Variants in CEP85L observed in about 807,000 individuals in gnomAD.
The protein encoded by CEP85L is centrosomal protein of 85 kDa-like.
A neutral mutation model predicts 100.3 loss-of-function variants in CEP85L; 60 were observed. The observed-to-expected ratio is 0.60, with a 90% CI of 0.49 to 0.74. CEP85L has a LOEUF of 0.74. Ranked by LOEUF, CEP85L falls within the 30% of genes least tolerant of loss-of-function variation. The probability of loss-of-function intolerance (pLI) is 0.00; values close to 1 mark genes in which losing one functional copy is unlikely to be tolerated. For missense variants in CEP85L, 973 were observed against 936.2 expected, an observed-to-expected ratio of 1.04 and a Z score of -0.51; for synonymous variants, 319 against 322.7, an observed-to-expected ratio of 0.99 and a Z score of 0.12.
intron 2 of CEP85L, among the ~76,000 whole-genome samples, chr6:118,588,513 A>C (rs1300300654): frequency 6.6e-6 from 1 of 152,152 alleles, no homozygotes; most frequent in Non-Finnish European, 1.5e-5. Flanking sequence ...CCTCTAGTAG[A>C]TTAAGGAAAA....
chr6:118,589,606 G>A (rs1457969183), intron 2 of CEP85L: 1 of 270,162 alleles, frequency 3.7e-6, no homozygotes, highest in East Asian at 1.0e-4. Flanking sequence ...GATTTATGAA[G>A]AGATCAGAAA....
At chr6:118,480,215 T>C (rs1298261015) in intron 9 of CEP85L, among the ~76,000 whole-genome samples, 181 bp downstream of exon 9, 1 of 152,134 alleles carries the variant, frequency 6.6e-6, no homozygotes, top group Non-Finnish European at 1.5e-5. Flanking sequence ...TTTATTTCAA[T>C]TATTTAATTT....
chr6:118,662,858 GATTTCAGTTATATATGT>G (rs1387560257), intron 1 of CEP85L, among the ~76,000 whole-genome samples: 1 of 152,126 alleles, frequency 6.6e-6, no homozygotes, highest in Non-Finnish European at 1.5e-5. Context: ...GGTGCATGAC[GATTTCAGTTATATATGT>G]AGTATTGACT....
At chr6:118,643,308 GCAAGGCCATATATATGTAATTT>G (rs1241307687) in intron 1 of CEP85L, among the ~76,000 whole-genome samples, 1 of 152,142 alleles carries the variant, frequency 6.6e-6, no homozygotes, top group East Asian at 1.9e-4. Context: ...AAATGTCATA[GCAAGGCCATATATATGTAATTT>G]CTTATGGTCA....
chr6:118,524,668 T>C (rs17424845), intron 3 of CEP85L, among the ~76,000 whole-genome samples: 6,161 of 152,332 alleles, frequency 0.04, 185 homozygotes, highest in Non-Finnish European at 0.061. Flanking sequence ...CACATCATCA[T>C]TTAGTTACAT....
intron 1 of CEP85L, among the ~76,000 whole-genome samples, chr6:118,708,521 A>G (rs572095395): frequency 6.6e-6 from 1 of 152,386 alleles, no homozygotes; most frequent in South Asian, 2.1e-4. Flanking sequence ...GAGACAGAAT[A>G]TGAGATACAC....
intron 10 of CEP85L, among the ~76,000 whole-genome samples, chr6:118,476,118 C>T (rs2114485281): frequency 6.6e-6 from 1 of 152,258 alleles, no homozygotes; most frequent in Non-Finnish European, 1.5e-5. Context: ...GAGCTGTCTT[C>T]ACTCGTACAA....
intron 3 of CEP85L, among the ~76,000 whole-genome samples, chr6:118,542,921 A>AAAAAAAAAAAAAC (rs1562245160): frequency 7.3e-5 from 11 of 150,928 alleles, no homozygotes; most frequent in Non-Finnish European, 1.0e-4. Context: ...AAAAAAAAAA[A>AAAAAAAAAAAAAC]AACAGGATAT....
rs542735260 is a variant in CEP85L at position 118,570,512 on chromosome 6, T to C, written c.233-4196A>G. ...AAAAATCAATTTCACATCAGACTAG[T>C]GTTTATTCCCTAAATCTGAAAGCAG... On this transcript the variant is annotated intron_variant, in intron 2 of 12. Transcript: ENST00000368491. 2.6e-5 allele frequency among the ~76,000 whole-genome samples: 4 copies of C among 152,288 alleles called. No individual in the cohort carries two copies. The East Asian group carries it at 5.8e-4, about 22-fold the overall frequency.
At chr6:118,543,452 G>T (rs1181554322) in intron 3 of CEP85L, among the ~76,000 whole-genome samples, 3 of 151,332 alleles carry the variant, frequency 2.0e-5, no homozygotes, top group African/African-American at 2.4e-5. Context: ...AAATCAATCA[G>T]TCTCTATTCA....
intron 3 of CEP85L, among the ~76,000 whole-genome samples, chr6:118,537,282 T>C (rs189378351): frequency 2.1e-4 from 32 of 152,266 alleles, no homozygotes; most frequent in African/African-American, 6.7e-4. Flanking sequence ...GTGAGTTAAT[T>C]TGAAGAAACA....
chr6:118,662,535 G>GA (rs71012399), intron 1 of CEP85L, among the ~76,000 whole-genome samples: 188 of 138,942 alleles, frequency 1.4e-3, no homozygotes, highest in East Asian at 3.2e-3. Context: ...CATCTCAAAA[G>GA]AAAAAAAAAA....
rs991465864 is a variant in CEP85L at position 118,473,937 on chromosome 6, A to T, written c.1915-3293T>A. ...TTTTGGTGGTGGGGAGATAAGAAAT[A>T]AAAAAAAGAGCCTTTTTTAATGTTT... On this transcript the variant is annotated intron_variant, in intron 10 of 12. Coordinates refer to ENST00000368491, the MANE Select transcript of CEP85L (RefSeq NM_001042475.3). Among the ~76,000 whole-genome samples the T allele has an allele frequency of 3.5e-4, 40 of 114,414 alleles. 1 individual carries two copies. The highest frequency in any genetic ancestry group is 1.4e-3 in the Admixed American group (16 of 11,388). 75.1% of individuals were successfully genotyped at this position (114,414 alleles called of 152,430 possible).
At chr6:118,595,106 T>C (rs568924094) in intron 2 of CEP85L, among the ~76,000 whole-genome samples, 2 of 152,280 alleles carry the variant, frequency 1.3e-5, no homozygotes, top group South Asian at 2.1e-4. Flanking sequence ...GATTATGCTA[T>C]GTACAACAAG....
At chr6:118,484,488 G>C (rs1338033201) in intron 6 of CEP85L, among the ~76,000 whole-genome samples, 2 of 152,212 alleles carry the variant, frequency 1.3e-5, no homozygotes, top group Non-Finnish European at 2.9e-5. Context: ...ATTTGGTCAA[G>C]GCTGTTCATA....
chr6:118,599,168 C>A (rs2115163221), intron 2 of CEP85L, among the ~76,000 whole-genome samples: 1 of 152,142 alleles, frequency 6.6e-6, no homozygotes, highest in African/African-American at 2.4e-5. Flanking sequence ...TTTCTGAATA[C>A]CACTCTCCAA....
chr6:118,511,439 C>T (rs747635572), intron 4 of CEP85L, 24 bp from the exon 5 acceptor site: 35 of 1,429,950 alleles, frequency 2.4e-5, no homozygotes, highest in Middle Eastern at 1.8e-4. Flanking sequence ...ATTAAGGTCA[C>T]ATTATGAGTT....
At chr6:118,654,034 T>G (rs1156751978), upstream of CEP85L, among the ~76,000 whole-genome samples, 1 of 152,238 alleles carries the variant, frequency 6.6e-6, no homozygotes, top group African/African-American at 2.4e-5. Flanking sequence ...ATCTTACATG[T>G]GTTTTTCTGA....
At chr6:118,654,665 A>C (rs191079345), upstream of CEP85L, among the ~76,000 whole-genome samples, 11 of 152,362 alleles carry the variant, frequency 7.2e-5, no homozygotes, top group East Asian at 1.9e-3. Context: ...TGACTATCTT[A>C]ATTGGATCCC....
Sources: allele counts gnomAD v4.1 joint callset (sites outside exome capture counted in the v4.1 genomes callset), GRCh38; gene constraint gnomAD v4.1.1; transcripts MANE v1.5; gene names NCBI Gene and HGNC (gene_info 2026-07-23, HGNC 2026-07-21).